Variants in PGM5 observed in about 807,000 individuals in gnomAD.
PGM5 encodes phosphoglucomutase-like protein 5.
Under a neutral mutation model 59.2 loss-of-function variants are expected in PGM5, and 23 were observed. The ratio of observed to expected loss-of-function variants is 0.39; its 90% CI spans 0.28 to 0.55. The LOEUF (loss-of-function observed/expected upper bound fraction) is 0.55. Ranked by LOEUF, PGM5 falls within the 20% of genes least tolerant of loss-of-function variation. PGM5 has a pLI of 0.66. For missense variants in PGM5, 574 were observed against 748.3 expected, an observed-to-expected ratio of 0.77 and a Z score of 2.72; for synonymous variants, 214 against 286.0, an observed-to-expected ratio of 0.75 and a Z score of 2.54.
intron 6 of PGM5, among the ~76,000 whole-genome samples, chr9:68,436,818 T>C (rs1342303502): frequency 6.6e-6 from 1 of 152,196 alleles, no homozygotes; most frequent in Non-Finnish European, 1.5e-5. Context: ...TTTAGTAAAG[T>C]GAAGGTTGTG....
intron 9 of PGM5, among the ~76,000 whole-genome samples, chr9:68,488,141 G>GA (rs1186264710): frequency 1.6e-4 from 25 of 151,846 alleles, no homozygotes; most frequent in Admixed American, 3.9e-4. Context: ...AAGAAAAGCA[G>GA]AAAAAAAACA....
At chr9:68,382,890 C>A (rs1554678448) in intron 2 of PGM5, among the ~76,000 whole-genome samples, 2 of 151,816 alleles carry the variant, frequency 1.3e-5, no homozygotes, top group Non-Finnish European at 2.9e-5. Context: ...AACTCAGGGA[C>A]TTGAAAATGA....
chr9:68,374,723 CA>C lies in PGM5; in HGVS notation c.262-3475del, dbSNP rs564498814. 1.1e-4 allele frequency among the ~76,000 whole-genome samples: 17 copies of C among 152,258 alleles called. No individual in the cohort carries two copies. In the South Asian group the frequency reaches 2.9e-3, roughly 26 times the overall value. On this transcript the variant is annotated intron_variant, in intron 1 of 10. Coordinates refer to ENST00000396396, the MANE Select transcript of PGM5 (RefSeq NM_021965.4). ...TTTTCCAGAGCAGCCGTTCATCATTCATTTATTTTTTCCCATTAATTAATTC... is the reference window on the plus strand; with the variant it reads ...TTTTCCAGAGCAGCCGTTCATCATTCTTTATTTTTTCCCATTAATTAATTC...
At chr9:68,468,146 C>T (rs1251334218) in intron 7 of PGM5, among the ~76,000 whole-genome samples, 2 of 151,960 alleles carry the variant, frequency 1.3e-5, no homozygotes, top group African/African-American at 2.4e-5. Context: ...AAGCCCAGTA[C>T]CCAATAATTG....
At chr9:68,524,474 TA>T (rs1224738347) in intron 10 of PGM5, among the ~76,000 whole-genome samples, 2 of 152,198 alleles carry the variant, frequency 1.3e-5, no homozygotes, top group Non-Finnish European at 2.9e-5. Context: ...TTAGGCACTC[TA>T]AAAAACACTG....
intron 7 of PGM5, among the ~76,000 whole-genome samples, chr9:68,468,613 A>G (rs1823973406): frequency 6.6e-6 from 1 of 152,126 alleles, no homozygotes; most frequent in Non-Finnish European, 1.5e-5. Flanking sequence ...AAAATGCTCA[A>G]CACCACACCC....
At chr9:68,525,241 A>G (rs1824953785) in intron 10 of PGM5, among the ~76,000 whole-genome samples, 4 of 152,110 alleles carry the variant, frequency 2.6e-5, no homozygotes. Flanking sequence ...AGGAGTCTCT[A>G]TTTGCCTTAT....
chr9:68,445,195 A>G (rs564847426), intron 6 of PGM5, among the ~76,000 whole-genome samples: 1 of 152,012 alleles, frequency 6.6e-6, no homozygotes, highest in South Asian at 2.1e-4. Flanking sequence ...GAATCTTATC[A>G]GGATTAGATA....
In PGM5 at chr9:68,503,632, CCT is replaced by C. The variant is rs553652173; in HGVS notation, c.1614+4276_1614+4277del. ...GATTACTCTAGCTACCAGCCTGCAT[CCT>C]CTCTTAGAACCGCATCTCTTTGGAG... On this transcript the variant is annotated intron_variant, in intron 10 of 10. Transcript: ENST00000396396. Among the ~76,000 whole-genome samples, 3 of 152,212 alleles carry C rather than the reference CCT, an allele frequency of 2.0e-5. No individual in the cohort carries two copies. In the South Asian group the frequency reaches 6.2e-4, roughly 32 times the overall value.
intron 1 of PGM5, among the ~76,000 whole-genome samples, chr9:68,375,935 G>A (rs1221160406): frequency 6.6e-5 from 10 of 152,332 alleles, no homozygotes; most frequent in Admixed American, 3.3e-4. Flanking sequence ...CCCTGAGGCC[G>A]GATCATGTTT....
At chr9:68,357,949 ACACAC>A (rs1563978427) in intron 1 of PGM5, 2 of 158,320 alleles carry the variant, frequency 1.3e-5, no homozygotes, top group African/African-American at 4.9e-5. Flanking sequence ...ACACACACAC[ACACAC>A]ACACACACAC....
At chr9:68,393,084 C>A (rs1822407861) in intron 6 of PGM5, among the ~76,000 whole-genome samples, 1 of 151,938 alleles carries the variant, frequency 6.6e-6, no homozygotes, top group Admixed American at 6.6e-5. Context: ...TCTTCTTGCT[C>A]TATCCATCCC....
intron 6 of PGM5, chr9:68,398,975 T>C (rs1156514165): frequency 6.6e-6 from 1 of 152,190 alleles, no homozygotes; most frequent in African/African-American, 2.4e-5. Flanking sequence ...TGCCCCACCA[T>C]AGACAACCAC....
chr9:68,499,189 T>C (rs1554688406), intron 9 of PGM5, 38 bp from the exon 10 acceptor site: 1 of 1,611,482 alleles, frequency 6.2e-7, no homozygotes, highest in African/African-American at 1.3e-5. Context: ...TGTGTATTCA[T>C]TTGCTCACTG....
chr9:68,520,048 C>T (rs1433203687), intron 10 of PGM5, among the ~76,000 whole-genome samples: 2 of 150,176 alleles, frequency 1.3e-5, no homozygotes, highest in Non-Finnish European at 3.0e-5. Context: ...CATGATCATA[C>T]CACTGCGCTC....
chr9:68,491,391 CA>C (rs782804034), intron 9 of PGM5, among the ~76,000 whole-genome samples: 1 of 152,174 alleles, frequency 6.6e-6, no homozygotes, highest in Non-Finnish European at 1.5e-5. Flanking sequence ...TGCTTTTCTT[CA>C]GTCCAATGTG....
chr9:68,426,880 G>A (rs1823248026), intron 6 of PGM5: 1 of 152,148 alleles, frequency 6.6e-6, no homozygotes. Context: ...GCCTCCCCTA[G>A]ACTGCAAGGC....
intron 6 of PGM5, among the ~76,000 whole-genome samples, chr9:68,446,623 A>G (rs1447209841): frequency 6.6e-6 from 1 of 152,190 alleles, no homozygotes; most frequent in African/African-American, 2.4e-5. Flanking sequence ...AGGGAGATAA[A>G]TTTATGAAGG....
At chr9:68,469,096 T>G (rs1823982422) in intron 7 of PGM5, among the ~76,000 whole-genome samples, 1 of 152,176 alleles carries the variant, frequency 6.6e-6, no homozygotes, top group Admixed American at 6.5e-5. Context: ...ATTTGTATTT[T>G]TAGGAGAGAC....
Sources: allele counts gnomAD v4.1 joint callset (sites outside exome capture counted in the v4.1 genomes callset), GRCh38; gene constraint gnomAD v4.1.1; transcripts MANE v1.5; gene names NCBI Gene and HGNC (gene_info 2026-07-23, HGNC 2026-07-21).